Variants in CELF2 observed in about 807,000 individuals in gnomAD.
CELF2 encodes the protein CUG triplet repeat RNA-binding protein 2.
A neutral mutation model predicts 62.6 loss-of-function variants in CELF2; 8 were observed. That is an observed-to-expected ratio of 0.13 (90% CI 0.07 to 0.23). The LOEUF is 0.23. CELF2 is among the 10% of genes least tolerant of loss of function. The probability of loss-of-function intolerance (pLI) is 1.00; values close to 1 mark genes in which losing one functional copy is unlikely to be tolerated. For missense variants in CELF2, 333 were observed against 671.0 expected (o/e 0.50, Z 5.56); for synonymous variants, 258 against 250.0 (o/e 1.03, Z -0.30).
chr10:11,016,176 AG>A (rs1327819594), upstream of CELF2, among the ~76,000 whole-genome samples: 1 of 152,228 alleles, frequency 6.6e-6, no homozygotes, highest in Non-Finnish European at 1.5e-5. The surrounding 1 kb of genome is among the most constrained non-coding windows in gnomAD (Gnocchi z 5.2). Context: ...AGATAATTGA[AG>A]ACCAATCAAA....
At chr10:10,773,463 T>C in the CELF2 span, among the ~76,000 whole-genome samples, 1 of 152,226 alleles carries the variant, frequency 6.6e-6, no homozygotes, top group South Asian at 2.1e-4. Context: ...CCTGTAGGCA[T>C]TTATACATAT....
rs5783201 is a variant in CELF2 at position 11,197,083 on chromosome 10, G to GGA, written c.272-20342_272-20341insGA. Reference sequence around the variant, plus strand: ...AAAAGAAAGAAAGGAAAGAAAGAAAGAAGAAAGAAAGAAGGGTTCCCATTG... The same window carrying GGA: ...AAAAGAAAGAAAGGAAAGAAAGAAAGGAAAGAAAGAAAGAAGGGTTCCCATTG... On this transcript the variant is annotated intron_variant, in intron 2 of 12. Transcript: ENST00000633077. 9.7e-3 allele frequency among the ~76,000 whole-genome samples: 1,110 copies of GGA among 114,804 alleles called. 44 individuals are homozygous for GGA. The highest frequency in any genetic ancestry group is 0.033 in the South Asian group (98 of 2,930). The allele number at this position is 114,804 out of a possible 152,430, so 75.3% of individuals were successfully genotyped here. A position where few individuals can be genotyped will look rare whatever the true frequency, so the allele number is the denominator to read the frequency against.
chr10:10,826,841 A>G (rs1447167050), intron 1 of CELF2, among the ~76,000 whole-genome samples: 2 of 152,248 alleles, frequency 1.3e-5, no homozygotes, highest in African/African-American at 4.8e-5. Context: ...AATCAAGAGA[A>G]GCAGAATTAT....
At chr10:10,888,371 G>A (rs2061904319) in intron 1 of CELF2, among the ~76,000 whole-genome samples, 1 of 152,090 alleles carries the variant, frequency 6.6e-6, no homozygotes, top group Non-Finnish European at 1.5e-5. Flanking sequence ...TTCTCTTGGG[G>A]GATGAGTTGG....
At chr10:11,126,455 G>A (rs1396188395) in intron 1 of CELF2, among the ~76,000 whole-genome samples, 1 of 152,062 alleles carries the variant, frequency 6.6e-6, no homozygotes, top group South Asian at 2.1e-4. Context: ...GATGGCATTC[G>A]TCATACATAC....
In CELF2 at chr10:10,928,057, G is replaced by A. The variant is rs573878752; in HGVS notation, c.89+8058G>A. On this transcript the variant is annotated intron_variant, in intron 2 of 13. Coordinates refer to the CELF2 transcript ENST00000636488. This position sits in a 1 kb window ranked among gnomAD's most constrained non-coding sequence, Gnocchi z 4.8. ...GCTTCTGACACACCGGCCTTTCTCC[G>A]CACTTACTTCCACAGAAAGTTCTCC... Among the ~76,000 whole-genome samples, 28 of 152,038 alleles carry A rather than the reference G, an allele frequency of 1.8e-4. No homozygotes were observed. The East Asian group carries it at 4.1e-3, about 22-fold the overall frequency.
intron 1 of CELF2, among the ~76,000 whole-genome samples, chr10:11,113,878 T>G (rs2055886644): frequency 6.6e-6 from 1 of 152,188 alleles, no homozygotes; most frequent in Non-Finnish European, 1.5e-5. Flanking sequence ...GATTTTTTCT[T>G]TCTTCTGTTC....
intron 1 of CELF2, among the ~76,000 whole-genome samples, chr10:11,104,161 T>C (rs1276406516): frequency 2.0e-5 from 3 of 152,348 alleles, no homozygotes; most frequent in East Asian, 1.9e-4. Flanking sequence ...TGTACAAGTC[T>C]ATATATTTGG....
intron 2 of CELF2, among the ~76,000 whole-genome samples, chr10:10,986,750 G>A (rs1023740030): frequency 6.6e-6 from 1 of 152,168 alleles, no homozygotes; most frequent in South Asian, 2.1e-4. Context: ...CCTCTACAGG[G>A]CAATGTCTGC....
intron 1 of CELF2, among the ~76,000 whole-genome samples, chr10:11,037,243 T>A (rs977370494): frequency 6.6e-6 from 1 of 152,170 alleles, no homozygotes; most frequent in Non-Finnish European, 1.5e-5. Context: ...GAGCTCCCCT[T>A]TATAAAACCA....
the CELF2 span, among the ~76,000 whole-genome samples, chr10:10,705,604 A>G: frequency 2.0e-5 from 3 of 152,192 alleles, no homozygotes; most frequent in Admixed American, 6.5e-5. Flanking sequence ...TTAAGAGATC[A>G]GAAAACAGCA....
the CELF2 span, among the ~76,000 whole-genome samples, chr10:10,657,508 GTTTTCTTT>G: frequency 6.6e-6 from 1 of 152,064 alleles, no homozygotes. Flanking sequence ...CAATAAAGCT[GTTTTCTTT>G]TTAAGTTACG....
rs3832668 is a variant in CELF2, at chr10:11,325,817, CT to C, written c.1295-10del. The C allele has an allele frequency of 0.41, 643,752 of 1,589,030 alleles. 132,205 individuals are homozygous for C. Among genetic ancestry groups the C allele is most frequent in the Middle Eastern group, 0.51 (3,026 of 5,928 alleles). ...AGACTCAAGGGATACCTTACTCTGACTTTTTTTTTCCTCCTTAGGTCCAGAG... is the reference window on the plus strand; with the variant it reads ...AGACTCAAGGGATACCTTACTCTGACTTTTTTTTCCTCCTTAGGTCCAGAG... On this transcript the variant is annotated intron_variant, in intron 11 of 12. Transcript: ENST00000633077.
At chr10:11,021,852 G>A (rs534061471) in intron 1 of CELF2, among the ~76,000 whole-genome samples, 4 of 152,326 alleles carry the variant, frequency 2.6e-5, no homozygotes, top group African/African-American at 9.6e-5. Flanking sequence ...ATGTGAGAAT[G>A]AGCATAAGAA....
the CELF2 span, among the ~76,000 whole-genome samples, chr10:10,526,197 T>C: frequency 1.1e-4 from 16 of 152,262 alleles, no homozygotes; most frequent in Non-Finnish European, 1.0e-4. Flanking sequence ...ACCAAGTATC[T>C]ATGCTTTTCT....
the CELF2 span, among the ~76,000 whole-genome samples, chr10:10,535,222 C>T: frequency 4.6e-5 from 7 of 152,266 alleles, no homozygotes; most frequent in East Asian, 7.7e-4. Context: ...TGTCAGAGTA[C>T]ACAGGACCAC....
At chr10:10,530,693 G>A in the CELF2 span, among the ~76,000 whole-genome samples, 431 of 152,264 alleles carry the variant, frequency 2.8e-3, 4 homozygotes, top group Middle Eastern at 3.4e-3. Context: ...AAACTATCAC[G>A]TATTGATACC....
the CELF2 span, among the ~76,000 whole-genome samples, chr10:10,536,019 T>C: frequency 1.1e-5 from 1 of 94,628 alleles, no homozygotes; most frequent in African/African-American, 3.8e-5. Flanking sequence ...AGAAAGCTTT[T>C]GGATTTTTTT....
At chr10:11,090,353 A>G (rs752313483) in intron 1 of CELF2, among the ~76,000 whole-genome samples, 54 of 152,328 alleles carry the variant, frequency 3.5e-4, no homozygotes, top group Admixed American at 1.7e-3. Flanking sequence ...TGAAGGACTT[A>G]TTTTTGACCT....
Sources: allele counts gnomAD v4.1 joint callset (sites outside exome capture counted in the v4.1 genomes callset), GRCh38; gene constraint gnomAD v4.1.1; non-coding constraint Gnocchi (gnomAD v3.1); transcripts MANE v1.5; gene names NCBI Gene and HGNC (gene_info 2026-07-23, HGNC 2026-07-21).